The following EVL variants were observed in gnomAD, a reference collection of about 807,000 sequenced individuals.
EVL encodes the protein ena/VASP-like protein.
In EVL, 21 loss-of-function variants were observed where a neutral mutation model predicts 59.6. That is an observed-to-expected ratio of 0.35 (90% CI 0.25 to 0.51). EVL has a LOEUF of 0.51. Among genes scored for constraint, EVL ranks in the 20% least tolerant of loss-of-function variants. The pLI, the probability that EVL is intolerant of heterozygous loss-of-function variation, is 0.97. For synonymous variants in EVL, 198 were observed against 203.5 expected (o/e 0.97, Z 0.23); for missense variants, 462 against 546.6 (o/e 0.85, Z 1.54).
At chr14:100,065,102 C>G (rs1050765266), upstream of EVL, among the ~76,000 whole-genome samples, 52 of 56,050 alleles carry the variant, frequency 9.3e-4, no homozygotes, top group Admixed American at 5.1e-3. Flanking sequence ...GTGGCATTGA[C>G]TTAGACTATA....
At position 100,129,585 on chromosome 14, in the gene EVL, C is replaced by G; in HGVS notation, c.740C>G (p.Ser247Cys). ...VQRPEDASGG[S>C]SPSGTSKSDA... ...CAGCCAGAAGACGCATCTGGAGGCT[C>G]CAGTCCCAGTGGGACCTCAAAGTCC... is the stretch of plus-strand genomic sequence containing the variant. Residue 247 changes from serine to cysteine, a missense_variant, in exon 7 of 14, where the codon TCC becomes TGC. By Grantham distance (112) the Ser-to-Cys change is moderately radical (BLOSUM62 -1). Transcript: ENST00000392920. 1 of 1,613,720 alleles carries G rather than the reference C, an allele frequency of 6.2e-7. No homozygotes were observed. Among genetic ancestry groups the G allele is most frequent in the South Asian group, 1.1e-5 (1 of 91,068 alleles).
intron 1 of EVL, among the ~76,000 whole-genome samples, chr14:100,077,375 G>A (rs937178621): frequency 1.4e-4 from 21 of 152,212 alleles, no homozygotes; most frequent in African/African-American, 5.1e-4. Flanking sequence ...CTGGGTAGGT[G>A]TTGCTTCCAT....
intron 1 of EVL, among the ~76,000 whole-genome samples, chr14:100,023,574 G>A (rs2061163029): frequency 1.3e-5 from 2 of 151,388 alleles, no homozygotes; most frequent in Admixed American, 6.6e-5. Flanking sequence ...TGATCCCCCT[G>A]CCTCGGCCTC....
At chr14:100,141,389 A>AG (rs951315632) in intron 12 of EVL, 143 bp downstream of exon 12, 4 of 820,224 alleles carry the variant, frequency 4.9e-6, no homozygotes, top group Middle Eastern at 5.9e-4. Flanking sequence ...CACGGCAGAA[A>AG]GGGGGTGCCC....
At chr14:100,029,794 TG>T (rs751624432) in intron 1 of EVL, among the ~76,000 whole-genome samples, 93 of 152,238 alleles carry the variant, frequency 6.1e-4, no homozygotes, top group Non-Finnish European at 5.7e-4. Context: ...TTTAGCTGAT[TG>T]AGGGGAGAGT....
chr14:100,137,698 G>A (rs371471570), intron 10 of EVL, 42 bp from the exon 11 acceptor site: 164 of 1,613,810 alleles, frequency 1.0e-4, no homozygotes, highest in South Asian at 2.2e-4. Context: ...AGAGGCGGGC[G>A]CTGGCGCCGA....
rs373585245 is a variant in EVL, at chr14:100,141,298, G to C, written c.1161+52G>C. 3.8e-6 allele frequency: 6 copies of C among 1,598,060 alleles called. No homozygotes were observed. In the African/African-American group the frequency reaches 4.0e-5, roughly 11 times the overall value. On this transcript the variant is annotated intron_variant, in intron 12 of 13. Coordinates refer to ENST00000392920, the MANE Select transcript of EVL (RefSeq NM_016337.3). ...AAGAGGCTGAGGGCAGCCAGCAGGCGGGGGACCGTCTCTGACCAGCATGGC... is the reference window on the plus strand; with the variant it reads ...AAGAGGCTGAGGGCAGCCAGCAGGCCGGGGACCGTCTCTGACCAGCATGGC...
chr14:100,115,704 T>C (rs1887297401), intron 3 of EVL, among the ~76,000 whole-genome samples: 1 of 152,172 alleles, frequency 6.6e-6, no homozygotes, highest in Non-Finnish European at 1.5e-5. Flanking sequence ...GCTCTGGTAA[T>C]CTGAGTAAGA....
At chr14:100,049,810 TCTC>T (rs1323785426) in intron 1 of EVL, among the ~76,000 whole-genome samples, 4 of 152,088 alleles carry the variant, frequency 2.6e-5, no homozygotes, top group African/African-American at 9.7e-5. Context: ...TCCCCCAGCC[TCTC>T]CTCACCAGCC....
chr14:99,989,233 C>T (rs1595545557), intron 1 of EVL, among the ~76,000 whole-genome samples: 2 of 152,238 alleles, frequency 1.3e-5, no homozygotes, highest in Admixed American at 6.5e-5. Flanking sequence ...TGGAGTGTCT[C>T]GGTTCCCTCC....
At chr14:100,017,720 G>A (rs138511671) in intron 1 of EVL, among the ~76,000 whole-genome samples, 1 of 152,334 alleles carries the variant, frequency 6.6e-6, no homozygotes, top group African/African-American at 2.4e-5. Context: ...CTGCCAAGAA[G>A]CTGCCATCAC....
chr14:99,977,625 G>A (rs531160311), intron 1 of EVL, among the ~76,000 whole-genome samples: 26 of 152,098 alleles, frequency 1.7e-4, no homozygotes, highest in South Asian at 1.2e-3. Context: ...TAGTAGAGAC[G>A]GGGTTTCCCT....
At chr14:100,138,044 A>AG (rs3837589) in intron 11 of EVL, 59 of 581,104 alleles carry the variant, frequency 1.0e-4, no homozygotes, top group South Asian at 1.6e-4. Context: ...GAGGTAGTGC[A>AG]GGGGGGGGCC....
intron 1 of EVL, among the ~76,000 whole-genome samples, chr14:99,981,285 A>G (rs1159203291): frequency 6.6e-6 from 1 of 152,092 alleles, no homozygotes; most frequent in Non-Finnish European, 1.5e-5. Flanking sequence ...TACAAAAATT[A>G]GCCAGGCGTG....
intron 3 of EVL, among the ~76,000 whole-genome samples, chr14:100,118,635 G>C (rs961602998): frequency 6.6e-6 from 1 of 152,100 alleles, no homozygotes; most frequent in Non-Finnish European, 1.5e-5. Context: ...GGACCTCCTG[G>C]CCCCACTCCC....
At chr14:100,126,812 G>T (rs1163281620) in intron 5 of EVL, 41 bp downstream of exon 5, 6 of 1,598,312 alleles carry the variant, frequency 3.8e-6, no homozygotes, top group Admixed American at 3.4e-5. Flanking sequence ...CCATGCTGCT[G>T]CCAGGTGGCA....
rs1158933445 is a variant in EVL, at chr14:100,047,116, C to CTATTTTTTT, written c.6-37570_6-37569insATTTTTTTT. Among the ~76,000 whole-genome samples, 58 of 28,452 alleles carry CTATTTTTTT rather than the reference C, an allele frequency of 2.0e-3. 1 individual carries two copies. The East Asian group carries it at 0.024, about 12-fold the overall frequency. The allele number at this position is 28,452 out of a possible 152,430, so 18.7% of individuals were successfully genotyped here. A position where few individuals can be genotyped will look rare whatever the true frequency, so the allele number is the denominator to read the frequency against. On this transcript the variant is annotated intron_variant, in intron 1 of 13. Transcript: ENST00000402714. ...TTTGAGACCTTGGGCAGATCTCTCT[C>CTATTTTTTT]TCTTTTTTTTTTTTTTTTTTTTTTT...
intron 1 of EVL, among the ~76,000 whole-genome samples, chr14:100,005,685 C>T (rs947057154): frequency 6.6e-6 from 1 of 150,674 alleles, no homozygotes; most frequent in Non-Finnish European, 1.5e-5. Context: ...TGGATGTTAC[C>T]TTTTAATTAA....
intron 1 of EVL, among the ~76,000 whole-genome samples, chr14:100,038,668 C>G (rs1367757670): frequency 6.6e-6 from 1 of 152,146 alleles, no homozygotes; most frequent in Non-Finnish European, 1.5e-5. Flanking sequence ...AATGCTAGAA[C>G]TTCACTGATA....
Sources: allele counts gnomAD v4.1 joint callset (sites outside exome capture counted in the v4.1 genomes callset), GRCh38; gene constraint gnomAD v4.1.1; transcripts MANE v1.5; gene names NCBI Gene and HGNC (gene_info 2026-07-23, HGNC 2026-07-21).